Variants in ITGAL observed in about 807,000 individuals in gnomAD.
ITGAL encodes integrin alpha-L.
ITGAL carries 68 observed loss-of-function variants against 138.4 expected under a neutral mutation model. The ratio of observed to expected loss-of-function variants is 0.49; its 90% CI spans 0.40 to 0.60. The LOEUF is 0.60. Ranked by LOEUF, ITGAL falls within the 20% of genes least tolerant of loss-of-function variation. ITGAL has a pLI of 0.00. For synonymous variants in ITGAL, 561 were observed against 584.3 expected (o/e 0.96, Z 0.57); for missense variants, 1,256 against 1,478.6 (o/e 0.85, Z 2.47).
In ITGAL at chr16:30,479,469, A is replaced by G. The variant is rs2050522671; in HGVS notation, c.576+8A>G. 6.2e-7 allele frequency: 1 copy of G among 1,613,454 alleles called. No individual in the cohort carries two copies. Among genetic ancestry groups the G allele is most frequent in the Non-Finnish European group, 8.5e-7 (1 of 1,179,670 alleles). On this transcript the variant is annotated splice_region_variant and intron_variant, in intron 6 of 30. Coordinates refer to ENST00000356798, the MANE Select transcript of ITGAL (RefSeq NM_002209.3). ...AGCAACACTTCGTACCAGGTAAAAA[A>G]GTTAGTTAGGATTCTTGGTTGCATG...
At chr16:30,514,340 G>A (rs2051135588) in intron 25 of ITGAL, among the ~76,000 whole-genome samples, 1 of 149,370 alleles carries the variant, frequency 6.7e-6, no homozygotes, top group Non-Finnish European at 1.5e-5. Flanking sequence ...GCAGTGGCAC[G>A]GTCTCAGCTC....
chr16:30,517,633 T>A lies in ITGAL; in HGVS notation c.2977-16T>A, dbSNP rs754279141. The A allele has an allele frequency of 6.2e-7, 1 of 1,612,528 alleles. No individual in the cohort carries two copies. The highest frequency in any genetic ancestry group is 8.5e-7 in the Non-Finnish European group (1 of 1,178,606). On this transcript the variant is annotated splice_polypyrimidine_tract_variant and intron_variant, in intron 26 of 30. Coordinates refer to ENST00000356798, the MANE Select transcript of ITGAL (RefSeq NM_002209.3). ...GTTGGGGAGGCTCTAACTGAAGACC[T>A]GCCGCTTGTTCCTAGGAGCCTCCCG...
At chr16:30,487,142 CAA>C (rs1165678423) in intron 9 of ITGAL, among the ~76,000 whole-genome samples, 9 of 42,956 alleles carry the variant, frequency 2.1e-4, no homozygotes, top group South Asian at 7.6e-4. Flanking sequence ...GACTCCGTCT[CAA>C]AAAAAAAAAA....
At position 30,479,403 on chromosome 16, in the gene ITGAL, A is replaced by G; in HGVS notation, c.518A>G (p.Gln173Arg). ...GSMSLQPDEFQKILDFMKDVM... is the reference protein window; with the variant it reads ...GSMSLQPDEFRKILDFMKDVM... Reference sequence around the variant, plus strand: ...ATGAGCTTGCAGCCAGATGAATTTCAGAAAATTCTGGACTTCATGAAGGAT... The same window carrying G: ...ATGAGCTTGCAGCCAGATGAATTTCGGAAAATTCTGGACTTCATGAAGGAT... Residue 173 changes from glutamine (Q) to arginine (R), a missense_variant, in exon 6 of 31, where the codon CAG (glutamine) becomes CGG (arginine). Around this residue, in one of 3 missense-constraint regions of ITGAL, gnomAD observed 177 missense variants for 288.8 expected, o/e 0.61. Coordinates refer to ENST00000356798, the MANE Select transcript of ITGAL (RefSeq NM_002209.3). The G allele has an allele frequency of 1.2e-6, 2 of 1,614,156 alleles. No homozygotes were observed. Among genetic ancestry groups the G allele is most frequent in the Non-Finnish European group, 1.7e-6 (2 of 1,180,016 alleles).
chr16:30,516,558 G>A (rs138900169), intron 25 of ITGAL, among the ~76,000 whole-genome samples: 60 of 152,150 alleles, frequency 3.9e-4, no homozygotes, highest in Non-Finnish European at 7.9e-4. Context: ...GATTGGAGGT[G>A]GAGTAAGAAT....
chr16:30,505,361 T>C, intron 19 of ITGAL, 28 bp from the exon 20 acceptor site: 1 of 1,613,476 alleles, frequency 6.2e-7, no homozygotes, highest in Non-Finnish European at 8.5e-7. Context: ...GATCTGAGCC[T>C]GTTACTCCTT....
At chr16:30,517,935 G>C (rs752735786) in intron 28 of ITGAL, 40 bp downstream of exon 28, 1 of 1,570,548 alleles carries the variant, frequency 6.4e-7, no homozygotes, top group Admixed American at 1.7e-5. Flanking sequence ...TGCTGTGGGG[G>C]CCCCAATGCC....
At chr16:30,475,891 A>G (rs2050464105) in intron 4 of ITGAL, among the ~76,000 whole-genome samples, 1 of 151,808 alleles carries the variant, frequency 6.6e-6, no homozygotes, top group South Asian at 2.1e-4. Flanking sequence ...AGCTGGGACT[A>G]TAGGCGCATG....
At chr16:30,475,248 A>T (rs2050453908) in intron 2 of ITGAL, 58 bp from the exon 3 acceptor site, 1 of 1,186,670 alleles carries the variant, frequency 8.4e-7, no homozygotes, top group Non-Finnish European at 1.2e-6. Flanking sequence ...CTTAGCAGGC[A>T]GGAGTAGATG....
intron 4 of ITGAL, among the ~76,000 whole-genome samples, chr16:30,477,669 G>T (rs1459255686): frequency 1.3e-5 from 2 of 150,896 alleles, no homozygotes; most frequent in Admixed American, 6.6e-5. Context: ...CAGGTGGATC[G>T]CTTGAGCCTA....
chr16:30,503,665 A>C (rs1390939708), intron 17 of ITGAL, among the ~76,000 whole-genome samples: 1 of 151,610 alleles, frequency 6.6e-6, no homozygotes, highest in Non-Finnish European at 1.5e-5. Flanking sequence ...GGGAGAGCTC[A>C]TTTTCCTTAT....
At chr16:30,497,364 G>C (rs985396919) in intron 15 of ITGAL, among the ~76,000 whole-genome samples, 16 of 151,894 alleles carry the variant, frequency 1.1e-4, no homozygotes, top group African/African-American at 2.9e-4. Flanking sequence ...AAGATTAACA[G>C]GGTGTGGTGG....
rs532983940 is a variant in ITGAL, at chr16:30,510,811, T to C, written c.2620-70T>C. ...TAAGGGGTCCCTGAGATGATGGTGA[T>C]TAGATGTGGGGGCCATGAGGCTGCT... On this transcript the variant is annotated intron_variant, in intron 22 of 30. Transcript: ENST00000356798. The C allele has an allele frequency of 8.7e-5, 104 of 1,195,522 alleles. No individual in the cohort carries two copies. The East Asian group carries it at 2.3e-3, about 27-fold the overall frequency. The allele number at this position is 1,195,522 out of a possible 1,614,324, so 74.1% of individuals were successfully genotyped here.
At chr16:30,515,699 C>T (rs568183054) in intron 25 of ITGAL, among the ~76,000 whole-genome samples, 6 of 152,164 alleles carry the variant, frequency 3.9e-5, no homozygotes, top group South Asian at 2.1e-4. Context: ...TGGTCAGGCG[C>T]GGTGGCTCAC....
At chr16:30,481,618 G>C (rs755363275) in intron 7 of ITGAL, 34 bp downstream of exon 7, 1 of 1,610,226 alleles carries the variant, frequency 6.2e-7, no homozygotes, top group South Asian at 1.1e-5. Flanking sequence ...CACGTGTCCT[G>C]TGATTTGTTC....
At chr16:30,514,213 C>G (rs1433117362) in intron 25 of ITGAL, among the ~76,000 whole-genome samples, 1 of 152,076 alleles carries the variant, frequency 6.6e-6, no homozygotes. Flanking sequence ...CAAGTTCAAG[C>G]AATTCTCCTG....
At chr16:30,487,554 C>T (rs1279660160) in intron 9 of ITGAL, among the ~76,000 whole-genome samples, 5 of 151,910 alleles carry the variant, frequency 3.3e-5, no homozygotes, top group African/African-American at 7.3e-5. Context: ...GTAGTACAGG[C>T]GCCTGCCACC....
In ITGAL at chr16:30,516,704, G is replaced by A. The variant is rs946887083; in HGVS notation, c.2863-269G>A. On this transcript the variant is annotated intron_variant, in intron 25 of 30. Transcript: ENST00000356798. ...GCTGCCCTGTCCTTGGGGAGTCAGC[G>A]AAGCCTTCAGAGATAATATTAGAGC... is the stretch of plus-strand genomic sequence containing the variant. Among the ~76,000 whole-genome samples the A allele has an allele frequency of 7.2e-5, 11 of 152,186 alleles. 1 individual carries two copies. Among genetic ancestry groups the A allele is most frequent in the Admixed American group, 6.5e-4 (10 of 15,272 alleles).
intron 2 of ITGAL, chr16:30,474,513 A>G (rs2050440599): frequency 1.8e-6 from 1 of 561,714 alleles, no homozygotes; most frequent in Non-Finnish European, 3.2e-6. Context: ...ATGGAAGTGC[A>G]GAACAGGGAA....
Sources: gnomAD v4.1 joint callset for allele counts (sites outside exome capture counted in the v4.1 genomes callset) on GRCh38, gnomAD v4.1.1 for gene constraint, gnomAD v4.1.1 regional missense constraint, MANE v1.5 for transcripts, NCBI Gene and HGNC (gene_info 2026-07-23, HGNC 2026-07-21) for gene names.